BNIPL: variants seen among roughly 807,000 people sequenced by gnomAD.
BNIPL encodes the protein bcl-2/adenovirus E1B 19 kDa-interacting protein 2-like protein.
BNIPL carries 33 observed loss-of-function variants against 47.0 expected under a neutral mutation model. The observed-to-expected ratio is 0.70, with a 90% CI of 0.53 to 0.94. BNIPL has a LOEUF of 0.94. Ranked by LOEUF, BNIPL falls within the 40% of genes least tolerant of loss-of-function variation. BNIPL has a pLI of 0.00. For synonymous variants in BNIPL, 145 were observed against 162.7 expected, an observed-to-expected ratio of 0.89 and a Z score of 0.83; for missense variants, 404 against 445.2, an observed-to-expected ratio of 0.91 and a Z score of 0.83.
At chr1:151,039,671 G>T (rs1675752159) in intron 4 of BNIPL, among the ~76,000 whole-genome samples, 1 of 152,178 alleles carries the variant, frequency 6.6e-6, no homozygotes, top group African/African-American at 2.4e-5. Context: ...AGTAGAAAAA[G>T]GTCACATCAT....
chr1:151,045,031 G>A lies in BNIPL; in HGVS notation c.852-766G>A, dbSNP rs945553845. The A allele has an allele frequency of 2.3e-5, 25 of 1,089,168 alleles. No homozygotes were observed. The African/African-American group carries it at 2.3e-4, about 10-fold the overall frequency. 67.5% of individuals were successfully genotyped at this position (1,089,168 alleles called of 1,614,324 possible). Reference sequence around the variant, plus strand: ...TGTAATCCCAGCACTTTGGAAGGCCGAGGTGGGCGGATCACAAGGTCAGGA... The same window carrying A: ...TGTAATCCCAGCACTTTGGAAGGCCAAGGTGGGCGGATCACAAGGTCAGGA... On this transcript the variant is annotated intron_variant, in intron 7 of 9. Transcript: ENST00000368931.
At position 151,045,895 on chromosome 1, in the gene BNIPL, A is replaced by C; in HGVS notation, c.938+12A>C. 6.2e-7 allele frequency: 1 copy of C among 1,614,144 alleles called. No homozygotes were observed. ...CGGCCCTTCATCAGGTACTAGTTCT[A>C]GGAACAAGGACTCCTTTCTCCTTCC... On this transcript the variant is annotated intron_variant, in intron 8 of 9. Coordinates refer to ENST00000368931, the MANE Select transcript of BNIPL (RefSeq NM_138278.4).
chr1:151,039,208 G>T (rs587697634), intron 4 of BNIPL, among the ~76,000 whole-genome samples, 182 bp downstream of exon 4: 1 of 152,154 alleles, frequency 6.6e-6, no homozygotes, highest in African/African-American at 2.4e-5. Flanking sequence ...GTCAGTAGAG[G>T]GGGAGGGGAG....
rs142921934 is a variant in BNIPL at position 151,040,524 on chromosome 1, G to A, written c.433+1498G>A. 7.5e-3 allele frequency among the ~76,000 whole-genome samples: 1,136 copies of A among 152,038 alleles called. 18 individuals are homozygous for A. Among genetic ancestry groups the A allele is most frequent in the African/African-American group, 0.026 (1,075 of 41,496 alleles). On this transcript the variant is annotated intron_variant, in intron 4 of 9. Transcript: ENST00000368931. Reference sequence around the variant, plus strand: ...ATGAAGCAGTTCTTAGGCTGGGAGCGGTGGCTCACGCCTGTAATCCCAGCA... The same window carrying A: ...ATGAAGCAGTTCTTAGGCTGGGAGCAGTGGCTCACGCCTGTAATCCCAGCA...
intron 4 of BNIPL, 22 bp downstream of exon 4, chr1:151,039,048 T>A: frequency 1.9e-6 from 3 of 1,544,124 alleles, no homozygotes; most frequent in Non-Finnish European, 2.6e-6. Context: ...ACCAGAGGAC[T>A]CAGCTGGTAG....
In BNIPL at chr1:151,043,608, A is replaced by T. The variant is rs1675908955; in HGVS notation, c.732A>T (p.Gly244=). The T allele has an allele frequency of 6.2e-7, 1 of 1,611,794 alleles. No homozygotes were observed. The highest frequency in any genetic ancestry group is 8.5e-7 in the Non-Finnish European group (1 of 1,178,152). The change falls in exon 7 of 10, where the codon GGA becomes GGT. Residue 244 remains glycine, a synonymous_variant. Transcript: ENST00000368931. ...TTCATCCCCCCAGGTATATGGTGGG[A>T]ACTCTGGAGCTGCTAGTAGCTGAAA... The part of the protein sequence containing the change: ...VMEHLFRYMV[G]TLELLVAENY...
chr1:151,047,528 T>G lies in BNIPL; in HGVS notation c.*841T>G. ...AGGAGTGCTTTCAAAACCTGTATTTTTGCCCTCTTTAGTAAATTTAGAACT... is the reference window on the plus strand; with the variant it reads ...AGGAGTGCTTTCAAAACCTGTATTTGTGCCCTCTTTAGTAAATTTAGAACT... On this transcript the variant is annotated 3_prime_UTR_variant, in exon 10 of 10. Transcript: ENST00000368931. The G allele has an allele frequency of 3.1e-6, 1 of 325,934 alleles. No individual in the cohort carries two copies. Among genetic ancestry groups the G allele is most frequent in the Non-Finnish European group, 5.6e-6 (1 of 178,660 alleles). 20.2% of individuals were successfully genotyped at this position (325,934 alleles called of 1,614,324 possible).
chr1:151,038,659 C>A, intron 3 of BNIPL, 91 bp downstream of exon 3: 2 of 1,584,506 alleles, frequency 1.3e-6, no homozygotes, highest in Non-Finnish European at 1.7e-6. Context: ...CCATTTCCCC[C>A]TTTTCCCAAA....
chr1:151,038,555 A>G lies in BNIPL; in HGVS notation c.189A>G (p.Gly63=), dbSNP rs1352837882. ...GTSEDPEDPK[G]DSQAAAGTPS... is the part of the protein sequence containing the mutation. ...CTGAAGATCCTGAAGACCCTAAAGG[A>G]GATTCACAGGCAGGTAGGTCAAGTA... Residue 63 remains glycine, a synonymous_variant, in exon 3 of 10, where the codon GGA becomes GGG. Coordinates refer to ENST00000368931, the MANE Select transcript of BNIPL (RefSeq NM_138278.4). The G allele has an allele frequency of 6.2e-7, 1 of 1,613,584 alleles. No homozygotes were observed. Among genetic ancestry groups the G allele is most frequent in the East Asian group, 2.2e-5 (1 of 44,882 alleles).
At chr1:151,045,558 CAAAAAA>C (rs587769189) in intron 7 of BNIPL, 23 of 249,968 alleles carry the variant, frequency 9.2e-5, no homozygotes, top group South Asian at 5.5e-4. Context: ...GACTCCGTCT[CAAAAAA>C]AAAAAAAAAA....
Position 151,046,650 on chromosome 1 carries a change from G to T in BNIPL, c.1038-1G>T. On this transcript the variant is annotated splice_acceptor_variant, in intron 9 of 9. Coordinates refer to ENST00000368931, the MANE Select transcript of BNIPL (RefSeq NM_138278.4). LOFTEE classifies it high-confidence loss of function. ...CTCTCCTCCCCCTCTCCCTCTCCTA[G>T]GCTGGACCGGGATCTCCATGGCTCA... The T allele has an allele frequency of 6.2e-7, 1 of 1,602,622 alleles. No individual in the cohort carries two copies. The highest frequency in any genetic ancestry group is 8.5e-7 in the Non-Finnish European group (1 of 1,173,338).
At chr1:151,039,933 T>C (rs1364159620) in intron 4 of BNIPL, among the ~76,000 whole-genome samples, 1 of 152,114 alleles carries the variant, frequency 6.6e-6, no homozygotes, top group Non-Finnish European at 1.5e-5. Flanking sequence ...ATATTTTTAG[T>C]AGAGATGGGG....
At chr1:151,038,258 C>T in intron 2 of BNIPL, 1 of 541,872 alleles carries the variant, frequency 1.8e-6, no homozygotes, top group Non-Finnish European at 3.3e-6. Flanking sequence ...CCTGTAGGCC[C>T]AGCTACTCGG....
chr1:151,039,530 AAGG>A (rs1360524513), intron 4 of BNIPL, among the ~76,000 whole-genome samples: 3 of 152,128 alleles, frequency 2.0e-5, no homozygotes, highest in African/African-American at 7.2e-5. Context: ...AGGGCATTCT[AAGG>A]AGAAGAAGCA....
chr1:151,043,564 C>T (rs749763777), intron 6 of BNIPL, 32 bp from the exon 7 acceptor site: 1 of 1,599,816 alleles, frequency 6.3e-7, no homozygotes, highest in Non-Finnish European at 8.6e-7. Flanking sequence ...AAGCCCCTAA[C>T]ACATACCTTC....
At chr1:151,038,429 A>G in intron 2 of BNIPL, 75 bp from the exon 3 acceptor site, 1 of 1,070,632 alleles carries the variant, frequency 9.3e-7, no homozygotes, top group South Asian at 1.3e-5. Flanking sequence ...GTGGGGAGAG[A>G]GAACCTATAT....
chr1:151,047,632 C>A lies in BNIPL; in HGVS notation c.*945C>A. 1 of 704,880 alleles carries A rather than the reference C, an allele frequency of 1.4e-6. No individual in the cohort carries two copies. The highest frequency in any genetic ancestry group is 2.2e-6 in the Non-Finnish European group (1 of 456,196). 43.7% of individuals were successfully genotyped at this position (704,880 alleles called of 1,614,324 possible). ...ACGACTCTTTCACCACCCCTTGCAT[C>A]CCAAACCTTCGGTTCTGGCAGAGTT... On this transcript the variant is annotated 3_prime_UTR_variant, in exon 10 of 10. Coordinates refer to ENST00000368931, the MANE Select transcript of BNIPL (RefSeq NM_138278.4).
At chr1:151,038,243 G>A (rs928025757) in intron 2 of BNIPL, among the ~76,000 whole-genome samples, 1 of 149,424 alleles carries the variant, frequency 6.7e-6, no homozygotes, top group African/African-American at 2.5e-5. Flanking sequence ...GTGTGGTGGT[G>A]CACACCTGTA....
intron 4 of BNIPL, among the ~76,000 whole-genome samples, chr1:151,041,981 A>G (rs2102963761): frequency 6.6e-6 from 1 of 152,208 alleles, no homozygotes; most frequent in South Asian, 2.1e-4. Context: ...TCTCAGAAAA[A>G]AAAAGGAAAT....
Sources: gnomAD v4.1 joint callset for allele counts (sites outside exome capture counted in the v4.1 genomes callset) on GRCh38, gnomAD v4.1.1 for gene constraint, MANE v1.5 for transcripts, NCBI Gene and HGNC (gene_info 2026-07-23, HGNC 2026-07-21) for gene names.